IQCM: variants seen among roughly 807,000 people sequenced by gnomAD.
IQCM encodes the protein IQ motif containing M.
In IQCM, 45 loss-of-function variants were observed where a neutral mutation model predicts 57.6. The ratio of observed to expected loss-of-function variants is 0.78; its 90% CI spans 0.62 to 1.00. The LOEUF is 1.00. Among genes scored for constraint, IQCM ranks in the 50% least tolerant of loss-of-function variants. The probability of loss-of-function intolerance (pLI) is 0.00; values close to 1 mark genes in which losing one functional copy is unlikely to be tolerated. For synonymous variants in IQCM, 148 were observed against 158.9 expected (o/e 0.93, Z 0.51); for missense variants, 468 against 511.6 (o/e 0.91, Z 0.82).
At chr4:149,787,777 T>G (rs2150022774) in intron 2 of IQCM, among the ~76,000 whole-genome samples, 1 of 152,140 alleles carries the variant, frequency 6.6e-6, no homozygotes, top group Non-Finnish European at 1.5e-5. Flanking sequence ...GTGTAGACAA[T>G]GATTTTATGG....
At chr4:149,717,154 G>A (rs1765073281) in intron 5 of IQCM, among the ~76,000 whole-genome samples, 1 of 152,182 alleles carries the variant, frequency 6.6e-6, no homozygotes, top group Non-Finnish European at 1.5e-5. Flanking sequence ...TCATCAAACT[G>A]AGTTGGGAGT....
intron 2 of IQCM, among the ~76,000 whole-genome samples, chr4:149,772,608 GGAAT>G (rs1193678283): frequency 1.3e-5 from 2 of 152,272 alleles, no homozygotes; most frequent in South Asian, 4.1e-4. Context: ...CTACCACTTT[GGAAT>G]TTGGGCAGTA....
intron 7 of IQCM, among the ~76,000 whole-genome samples, chr4:149,660,199 G>A (rs1052950741): frequency 2.8e-4 from 42 of 151,494 alleles, no homozygotes; most frequent in Middle Eastern, 3.4e-3. Context: ...CTCAAAAGAA[G>A]ACATTTATGC....
intron 12 of IQCM, among the ~76,000 whole-genome samples, chr4:149,458,474 T>C (rs979888399): frequency 2.1e-4 from 32 of 152,088 alleles, no homozygotes; most frequent in African/African-American, 7.2e-4. Flanking sequence ...ATTTAAGCTC[T>C]AAAGTATAAG....
intron 7 of IQCM, among the ~76,000 whole-genome samples, chr4:149,677,174 C>T (rs967894061): frequency 1.3e-5 from 2 of 152,032 alleles, no homozygotes; most frequent in East Asian, 3.9e-4. Context: ...ATCTGTCCCT[C>T]CCCTGGCCCA....
At chr4:149,602,798 A>G (rs1754434070) in intron 8 of IQCM, among the ~76,000 whole-genome samples, 1 of 152,002 alleles carries the variant, frequency 6.6e-6, no homozygotes. Flanking sequence ...ATGATTATCT[A>G]TTTTTTGTTG....
At chr4:149,648,507 G>C (rs1758852331) in intron 7 of IQCM, among the ~76,000 whole-genome samples, 1 of 152,210 alleles carries the variant, frequency 6.6e-6, no homozygotes, top group Admixed American at 6.5e-5. Flanking sequence ...AAACATATAT[G>C]TGCATGTGTC....
intron 12 of IQCM, among the ~76,000 whole-genome samples, chr4:149,534,594 G>A (rs1434172905): frequency 2.6e-5 from 4 of 152,014 alleles, no homozygotes; most frequent in African/African-American, 4.8e-5. Context: ...AATCATTGAC[G>A]AGAATATTTT....
chr4:149,655,507 A>G (rs1021016630), intron 7 of IQCM, among the ~76,000 whole-genome samples: 2 of 152,152 alleles, frequency 1.3e-5, no homozygotes, highest in African/African-American at 4.8e-5. Context: ...CAGATAATAA[A>G]ACATTTGTCT....
At chr4:149,446,822 C>A (rs1736561031) in intron 12 of IQCM, among the ~76,000 whole-genome samples, 1 of 151,350 alleles carries the variant, frequency 6.6e-6, no homozygotes, top group Admixed American at 6.6e-5. Flanking sequence ...AACTATGAAA[C>A]CTGAAGATGG....
chr4:149,510,253 G>A (rs1744267607), intron 12 of IQCM, among the ~76,000 whole-genome samples: 1 of 151,976 alleles, frequency 6.6e-6, no homozygotes, highest in African/African-American at 2.4e-5. Flanking sequence ...CATGGTTACT[G>A]GTCATTCGAA....
chr4:149,655,370 G>A (rs1020061494), intron 7 of IQCM, among the ~76,000 whole-genome samples: 4 of 152,112 alleles, frequency 2.6e-5, no homozygotes, highest in African/African-American at 9.7e-5. Flanking sequence ...GTCTCTCTTA[G>A]AGATTTGCTG....
At chr4:149,438,747 T>A (rs1735619423) in intron 12 of IQCM, among the ~76,000 whole-genome samples, 2 of 152,080 alleles carry the variant, frequency 1.3e-5, no homozygotes, top group South Asian at 4.1e-4. Flanking sequence ...TAGTTTCTTT[T>A]AAGCTGAAAG....
At chr4:149,566,237 G>A (rs987718405) in intron 9 of IQCM, among the ~76,000 whole-genome samples, 1 of 152,266 alleles carries the variant, frequency 6.6e-6, no homozygotes, top group South Asian at 2.1e-4. Flanking sequence ...GAGATTCTGA[G>A]TTGACATCTT....
intron 12 of IQCM, among the ~76,000 whole-genome samples, chr4:149,455,167 T>C (rs1486755512): frequency 2.6e-5 from 4 of 152,124 alleles, no homozygotes; most frequent in Admixed American, 6.6e-5. Flanking sequence ...GTAACCTTTA[T>C]TCAAGAGAGA....
chr4:149,422,095 T>C (rs1435094696), intron 13 of IQCM, among the ~76,000 whole-genome samples: 2 of 152,034 alleles, frequency 1.3e-5, no homozygotes, highest in African/African-American at 2.4e-5. Context: ...GCAGTCTTGG[T>C]GGGGGAAAAG....
intron 12 of IQCM, among the ~76,000 whole-genome samples, chr4:149,438,134 A>G (rs1735546566): frequency 6.6e-6 from 1 of 152,114 alleles, no homozygotes; most frequent in Non-Finnish European, 1.5e-5. Context: ...ACAAGTATTT[A>G]TAAGTACAGA....
At chr4:149,684,191 A>T (rs1762393760) in intron 6 of IQCM, among the ~76,000 whole-genome samples, 1 of 151,360 alleles carries the variant, frequency 6.6e-6, no homozygotes. Context: ...TTGAATTTAG[A>T]ATTCAAAGGT....
At chr4:149,731,505 C>A (rs1766455738) in intron 5 of IQCM, among the ~76,000 whole-genome samples, 2 of 152,204 alleles carry the variant, frequency 1.3e-5, no homozygotes, top group South Asian at 4.1e-4. Flanking sequence ...CAAGAACAGA[C>A]TGAGATAGTC....
Sources: gnomAD v4.1 joint callset for allele counts (sites outside exome capture counted in the v4.1 genomes callset) on GRCh38, gnomAD v4.1.1 for gene constraint, MANE v1.5 for transcripts, NCBI Gene and HGNC (gene_info 2026-07-23, HGNC 2026-07-21) for gene names.